GRIA3: variants seen among roughly 807,000 people sequenced by gnomAD.
The protein encoded by GRIA3 is glutamate ionotropic receptor AMPA type subunit 3, also known as glutamate receptor 3.
Under a neutral mutation model 63.0 loss-of-function variants are expected in GRIA3, and 3 were observed. The ratio of observed to expected loss-of-function variants is 0.05; its 90% CI spans 0.02 to 0.12. The LOEUF is 0.12. GRIA3 is among the 10% of genes least tolerant of loss of function. The pLI is 1.00. For synonymous variants in GRIA3, 274 were observed against 257.9 expected (o/e 1.06, Z -0.60); for missense variants, 347 against 700.9 (o/e 0.50, Z 5.70).
At chrX:123,415,378 T>C (rs2045531350) in intron 10 of GRIA3, among the ~76,000 whole-genome samples, 1 of 111,873 alleles carries the variant, frequency 8.9e-6, no homozygotes, top group African/African-American at 3.3e-5. Flanking sequence ...ATGGAATAAG[T>C]TGATCAAATC....
chrX:123,414,588 C>T (rs1368660349), intron 10 of GRIA3, among the ~76,000 whole-genome samples: 6 of 89,899 alleles, frequency 6.7e-5, no homozygotes, highest in Non-Finnish European at 1.1e-4. Flanking sequence ...CCACCCCCGA[C>T]AGGCCCCAGT....
At chrX:123,438,251 G>A in intron 12 of GRIA3, among the ~76,000 whole-genome samples, 1 of 112,085 alleles carries the variant, frequency 8.9e-6, no homozygotes, top group Non-Finnish European at 1.9e-5. Context: ...ATGTCCTTTT[G>A]TGTCTGGCAT....
At chrX:123,281,655 A>G (rs1397564191) in intron 3 of GRIA3, among the ~76,000 whole-genome samples, 1 of 111,425 alleles carries the variant, frequency 9.0e-6, no homozygotes, top group Non-Finnish European at 1.9e-5. Context: ...TTATCATCAG[A>G]ATGCCCTAGG....
chrX:123,270,007 T>C (rs184735066), intron 3 of GRIA3, among the ~76,000 whole-genome samples: 352 of 112,864 alleles, frequency 3.1e-3, no homozygotes, highest in African/African-American at 0.011. Context: ...TTTTCATTTC[T>C]TAATAAGCTG....
At chrX:123,420,588 C>T (rs2045559166) in intron 11 of GRIA3, among the ~76,000 whole-genome samples, 1 of 110,904 alleles carries the variant, frequency 9.0e-6, no homozygotes. Context: ...ACTAAAGAGT[C>T]ATTAAGGCTC....
intron 2 of GRIA3, among the ~76,000 whole-genome samples, chrX:123,233,604 A>G (rs1455435736): frequency 8.9e-6 from 1 of 112,012 alleles, no homozygotes; most frequent in East Asian, 2.8e-4. Flanking sequence ...AAGTTCTGCA[A>G]ATAGGTCTGG....
At chrX:123,368,168 T>G (rs2045225087) in intron 5 of GRIA3, among the ~76,000 whole-genome samples, 1 of 111,522 alleles carries the variant, frequency 9.0e-6, no homozygotes, top group African/African-American at 3.3e-5. Context: ...TTCATGGGAC[T>G]AGTCGGAACT....
chrX:123,205,333 C>G (rs1219019436), intron 2 of GRIA3, among the ~76,000 whole-genome samples: 1 of 111,940 alleles, frequency 8.9e-6, no homozygotes, highest in Non-Finnish European at 1.9e-5. Flanking sequence ...TTCAGCAGTG[C>G]AAGTGCTATT....
At chrX:123,372,701 T>G (rs2147362304) in intron 5 of GRIA3, among the ~76,000 whole-genome samples, 1 of 111,640 alleles carries the variant, frequency 9.0e-6, no homozygotes, top group Admixed American at 9.5e-5. Flanking sequence ...GAAATGCTAC[T>G]GATTTTCATA....
intron 3 of GRIA3, among the ~76,000 whole-genome samples, chrX:123,315,966 A>G (rs1024164822): frequency 1.9e-4 from 20 of 107,067 alleles, no homozygotes; most frequent in Non-Finnish European, 3.8e-4. Flanking sequence ...GCTTGAGCCC[A>G]AGAGTTTCAG....
chrX:123,297,812 T>C (rs1358849932), intron 3 of GRIA3, among the ~76,000 whole-genome samples: 2 of 110,535 alleles, frequency 1.8e-5, no homozygotes, highest in African/African-American at 6.6e-5. Context: ...TACAGATTAT[T>C]TCCTCACCCA....
chrX:123,384,403 T>C (rs2045342514), intron 5 of GRIA3, among the ~76,000 whole-genome samples: 1 of 112,093 alleles, frequency 8.9e-6, no homozygotes, highest in Admixed American at 9.4e-5. Context: ...GGCGGGTGGA[T>C]CACCTGAGGT....
chrX:123,461,979 T>C (rs1039602015), intron 12 of GRIA3, among the ~76,000 whole-genome samples: 6 of 111,802 alleles, frequency 5.4e-5, no homozygotes, highest in African/African-American at 1.3e-4. Context: ...GTATATAATA[T>C]AGATTTAGTT....
rs776260159 is a variant in GRIA3, at chrX:123,459,274, A to G, written c.2077-5591A>G. Among the ~76,000 whole-genome samples the G allele has an allele frequency of 3.6e-5, 4 of 111,910 alleles. No individual in the cohort carries two copies. The South Asian group carries it at 1.5e-3, about 42-fold the overall frequency. ...CACTATATAGTTACTTTGAACTTAC[A>G]TAAAGAATAGTTTTATCACTAGAGA... is the stretch of plus-strand genomic sequence containing the variant. On this transcript the variant is annotated intron_variant, in intron 12 of 15. Coordinates refer to ENST00000620443, the MANE Select transcript of GRIA3 (RefSeq NM_007325.5).
chrX:123,195,343 A>C (rs1269915043), intron 2 of GRIA3, among the ~76,000 whole-genome samples: 1 of 112,460 alleles, frequency 8.9e-6, no homozygotes, highest in Non-Finnish European at 1.9e-5. Flanking sequence ...ATTTTCTAAA[A>C]GAGGAATGAT....
At chrX:123,464,001 G>A (rs377615940) in intron 12 of GRIA3, among the ~76,000 whole-genome samples, 1 of 110,879 alleles carries the variant, frequency 9.0e-6, no homozygotes, top group Non-Finnish European at 1.9e-5. Flanking sequence ...GCCTACGAGT[G>A]GAAAACCAAA....
intron 5 of GRIA3, among the ~76,000 whole-genome samples, chrX:123,384,168 G>A (rs183272785): frequency 1.2e-3 from 130 of 111,697 alleles, no homozygotes; most frequent in African/African-American, 4.1e-3. Flanking sequence ...GAACATTCAC[G>A]TGCATATGTG....
At chrX:123,251,561 G>A (rs1225389150) in intron 2 of GRIA3, among the ~76,000 whole-genome samples, 1 of 110,756 alleles carries the variant, frequency 9.0e-6, no homozygotes, top group Non-Finnish European at 1.9e-5. Flanking sequence ...TCAGCCTCCC[G>A]AGTAGCTGTG....
chrX:123,400,261 G>C (rs1213119525), intron 7 of GRIA3, among the ~76,000 whole-genome samples: 1 of 111,584 alleles, frequency 9.0e-6, no homozygotes, highest in Non-Finnish European at 1.9e-5. Flanking sequence ...AAAAGTTTCT[G>C]CATGTCTACC....
Sources: allele counts gnomAD v4.1 joint callset (sites outside exome capture counted in the v4.1 genomes callset), GRCh38; gene constraint gnomAD v4.1.1; transcripts MANE v1.5; gene names NCBI Gene and HGNC (gene_info 2026-07-23, HGNC 2026-07-21).